The following INPP4B variants were observed in gnomAD, a reference collection of about 807,000 sequenced individuals.
INPP4B encodes the protein inositol polyphosphate-4-phosphatase type II B.
In INPP4B, 55 loss-of-function variants were observed where a neutral mutation model predicts 122.5. The observed-to-expected ratio is 0.45, with a 90% confidence interval of 0.36 to 0.56. The LOEUF is 0.56. INPP4B is among the 20% of genes least tolerant of loss of function. The probability of loss-of-function intolerance (pLI) is 0.00; values close to 1 mark genes in which losing one functional copy is unlikely to be tolerated. For synonymous variants in INPP4B, 403 were observed against 388.7 expected (o/e 1.04, Z -0.43); for missense variants, 1,000 against 1,097.7 (o/e 0.91, Z 1.26).
intron 5 of INPP4B, among the ~76,000 whole-genome samples, chr4:142,428,512 A>C (rs1009047272): frequency 2.0e-5 from 3 of 151,604 alleles, no homozygotes; most frequent in Non-Finnish European, 4.4e-5. Flanking sequence ...TTTGTAGCTA[A>C]TTTCCTAATG....
chr4:142,565,813 C>G (rs1731496250), intron 2 of INPP4B, among the ~76,000 whole-genome samples: 1 of 152,148 alleles, frequency 6.6e-6, no homozygotes, highest in African/African-American at 2.4e-5. Context: ...AAATTGACAT[C>G]AAGAGTCTTC....
intron 2 of INPP4B, among the ~76,000 whole-genome samples, chr4:142,723,444 A>G (rs1429360368): frequency 2.0e-5 from 3 of 152,170 alleles, no homozygotes; most frequent in African/African-American, 7.2e-5. Flanking sequence ...AGATATTTTA[A>G]CCTGACTAAT....
At chr4:142,235,588 A>G (rs2149925744) in intron 12 of INPP4B, among the ~76,000 whole-genome samples, 1 of 151,894 alleles carries the variant, frequency 6.6e-6, no homozygotes, top group East Asian at 1.9e-4. Context: ...CGCCTGGATA[A>G]TTTTGTTTTT....
chr4:142,240,026 T>G (rs1470926129), intron 11 of INPP4B, among the ~76,000 whole-genome samples: 1 of 151,766 alleles, frequency 6.6e-6, no homozygotes, highest in Non-Finnish European at 1.5e-5. Context: ...AGTCTTCCTT[T>G]GTTGATCTCA....
At chr4:142,137,919 C>G (rs1417204268) in intron 18 of INPP4B, among the ~76,000 whole-genome samples, 1 of 152,072 alleles carries the variant, frequency 6.6e-6, no homozygotes, top group Non-Finnish European at 1.5e-5. Flanking sequence ...GAAATAGGAA[C>G]ACTTATACAC....
In INPP4B at chr4:142,110,759, G is replaced by A. The variant is rs556412967; in HGVS notation, c.2276+1783C>T. On this transcript the variant is annotated intron_variant, in intron 22 of 25. Transcript: ENST00000262992. ...GTATGCAAGAGAGATGAGAAGGAAG[G>A]AAAGGACACTTCTTAAATAAAATGA... Among the ~76,000 whole-genome samples the A allele has an allele frequency of 3.9e-5, 6 of 152,198 alleles. No homozygotes were observed. The East Asian group carries it at 5.8e-4, about 15-fold the overall frequency.
chr4:142,290,647 C>T (rs72941105), intron 9 of INPP4B, among the ~76,000 whole-genome samples: 56 of 152,176 alleles, frequency 3.7e-4, no homozygotes, highest in African/African-American at 1.3e-3. Flanking sequence ...GAAACACTAC[C>T]ACCACCACCA....
intron 18 of INPP4B, among the ~76,000 whole-genome samples, chr4:142,140,917 T>C (rs1460259717): frequency 6.6e-6 from 1 of 152,176 alleles, no homozygotes; most frequent in African/African-American, 2.4e-5. Flanking sequence ...AGGGAGGTGG[T>C]CCTCCTGGGT....
At chr4:142,810,423 A>C (rs543650441) in intron 1 of INPP4B, among the ~76,000 whole-genome samples, 1 of 152,306 alleles carries the variant, frequency 6.6e-6, no homozygotes, top group South Asian at 2.1e-4. Flanking sequence ...CTGTGGTATC[A>C]GCATTTTTAC....
At chr4:142,680,805 G>C (rs889450801) in intron 2 of INPP4B, among the ~76,000 whole-genome samples, 10 of 151,802 alleles carry the variant, frequency 6.6e-5, no homozygotes, top group African/African-American at 2.4e-4. Flanking sequence ...CTTAGGACTA[G>C]GTTCTTGAAA....
intron 2 of INPP4B, among the ~76,000 whole-genome samples, chr4:142,720,924 G>GTGTA (rs1230122802): frequency 7.0e-6 from 1 of 142,738 alleles, no homozygotes; most frequent in East Asian, 2.0e-4. Flanking sequence ...GTGTGTGTGT[G>GTGTA]TGTATGATTT....
chr4:142,353,587 C>T (rs10012674), intron 7 of INPP4B, among the ~76,000 whole-genome samples: 5,239 of 152,054 alleles, frequency 0.034, 308 homozygotes, highest in African/African-American at 0.12. Flanking sequence ...TGTATATATA[C>T]GTGCATATAC....
At chr4:142,060,089 T>G (rs1759771990) in intron 25 of INPP4B, among the ~76,000 whole-genome samples, 1 of 152,120 alleles carries the variant, frequency 6.6e-6, no homozygotes, top group African/African-American at 2.4e-5. Flanking sequence ...TTTTGCACCT[T>G]TCACGATTTT....
chr4:142,600,645 C>T (rs886854759), intron 2 of INPP4B, among the ~76,000 whole-genome samples: 10 of 152,058 alleles, frequency 6.6e-5, no homozygotes, highest in Admixed American at 6.6e-4. Flanking sequence ...AAAGACTATA[C>T]TAAGCCACCA....
At chr4:142,780,564 C>G (rs760926209) in intron 1 of INPP4B, among the ~76,000 whole-genome samples, 1 of 151,868 alleles carries the variant, frequency 6.6e-6, no homozygotes, top group Non-Finnish European at 1.5e-5. Context: ...TTTGGGAGGC[C>G]GAGGCAGGCA....
At chr4:142,642,091 T>C (rs1010801070) in intron 2 of INPP4B, among the ~76,000 whole-genome samples, 1 of 152,228 alleles carries the variant, frequency 6.6e-6, no homozygotes, top group Non-Finnish European at 1.5e-5. Flanking sequence ...GTTCATATCC[T>C]TCGCCCACTT....
chr4:142,332,847 T>TAAA (rs533319161), intron 7 of INPP4B, among the ~76,000 whole-genome samples: 1 of 123,452 alleles, frequency 8.1e-6, no homozygotes, highest in Admixed American at 8.2e-5. Flanking sequence ...TACTAAAAAT[T>TAAA]AAAAAAAAAA....
At chr4:142,832,758 T>TCCCC (rs1350962987) in intron 1 of INPP4B, among the ~76,000 whole-genome samples, 5 of 147,688 alleles carry the variant, frequency 3.4e-5, no homozygotes, top group African/African-American at 1.3e-4. Flanking sequence ...CAGTCTCTAC[T>TCCCC]CCCCCCCCGC....
At chr4:142,714,852 G>C (rs928514868) in intron 2 of INPP4B, among the ~76,000 whole-genome samples, 3 of 152,128 alleles carry the variant, frequency 2.0e-5, no homozygotes, top group Non-Finnish European at 2.9e-5. Flanking sequence ...AGATATCTGG[G>C]TTATCTTCTG....
Sources: allele counts gnomAD v4.1 joint callset (sites outside exome capture counted in the v4.1 genomes callset), GRCh38; gene constraint gnomAD v4.1.1; transcripts MANE v1.5; gene names NCBI Gene and HGNC (gene_info 2026-07-23, HGNC 2026-07-21).